DMRT1: variants seen among roughly 807,000 people sequenced by gnomAD.
DMRT1 encodes doublesex- and mab-3-related transcription factor 1.
A neutral mutation model predicts 32.3 loss-of-function variants in DMRT1; 7 were observed. The ratio of observed to expected loss-of-function variants is 0.22; its 90% CI spans 0.12 to 0.41. The LOEUF (loss-of-function observed/expected upper bound fraction) is 0.41, where lower values mean the gene tolerates loss of function less well. DMRT1 is among the 10% of genes least tolerant of loss of function. The probability of loss-of-function intolerance (pLI) is 1.00; values close to 1 mark genes in which losing one functional copy is unlikely to be tolerated. For missense variants in DMRT1, 625 were observed against 500.5 expected, an observed-to-expected ratio of 1.25 and a Z score of -2.37; for synonymous variants, 278 against 206.1, an observed-to-expected ratio of 1.35 and a Z score of -2.99.
chr9:878,200 G>GCCCCCCCCCCCC (rs34336062), intron 2 of DMRT1, among the ~76,000 whole-genome samples: 32 of 94,040 alleles, frequency 3.4e-4, no homozygotes, highest in African/African-American at 7.4e-4. Flanking sequence ...TGCAGCTGCT[G>GCCCCCCCCCCCC]CCCCCCCCCC....
intron 2 of DMRT1, among the ~76,000 whole-genome samples, chr9:893,380 G>C (rs1457894441): frequency 1.3e-5 from 2 of 152,234 alleles, no homozygotes; most frequent in African/African-American, 4.8e-5. Flanking sequence ...ACCTGAAATA[G>C]TTACTGACCT....
intron 2 of DMRT1, among the ~76,000 whole-genome samples, chr9:890,279 G>A (rs1040162844): frequency 6.6e-6 from 1 of 152,110 alleles, no homozygotes; most frequent in Non-Finnish European, 1.5e-5. Flanking sequence ...GAAAGGCCCA[G>A]TGGGGAAGTT....
At chr9:959,184 C>A (rs1819691363) in intron 4 of DMRT1, among the ~76,000 whole-genome samples, 1 of 151,906 alleles carries the variant, frequency 6.6e-6, no homozygotes, top group South Asian at 2.1e-4. Context: ...TTTGCCCAGC[C>A]TGCCTTCGTT....
chr9:871,224 TG>T (rs1816235544), intron 2 of DMRT1, among the ~76,000 whole-genome samples: 2 of 150,280 alleles, frequency 1.3e-5, no homozygotes, highest in African/African-American at 4.9e-5. Context: ...GACGGGGTTT[TG>T]CCACGTTGCC....
intron 1 of DMRT1, among the ~76,000 whole-genome samples, chr9:845,620 A>G (rs1720770629): frequency 6.6e-6 from 1 of 152,074 alleles, no homozygotes; most frequent in Non-Finnish European, 1.5e-5. Context: ...TGTCTGGAAT[A>G]TCACACACCT....
chr9:847,678 G>A (rs1369128712), intron 2 of DMRT1, among the ~76,000 whole-genome samples: 2 of 151,066 alleles, frequency 1.3e-5, no homozygotes, highest in Non-Finnish European at 3.0e-5. Context: ...GACAGTTATG[G>A]GATTGGCCAA....
intron 3 of DMRT1, among the ~76,000 whole-genome samples, chr9:902,066 C>A (rs148087900): frequency 0.035 from 5,170 of 149,272 alleles, 194 homozygotes; most frequent in African/African-American, 0.1. Context: ...TGCACCACCA[C>A]GCCCAGCTAA....
rs187122162 is a variant in DMRT1, at chr9:916,602, G to A, written c.823-161G>A. On this transcript the variant is annotated intron_variant, in intron 3 of 4. Transcript: ENST00000382276. ...GCCCTGGCTGGTCTTGAACTCCTGG[G>A]CTCAAGCGATCCTCCCGCCCTGGCC... 2.0e-5 allele frequency among the ~76,000 whole-genome samples: 3 copies of A among 152,282 alleles called. No individual in the cohort carries two copies. The East Asian group carries it at 5.8e-4, about 29-fold the overall frequency.
chr9:857,587 C>G (rs1190281072), intron 2 of DMRT1, among the ~76,000 whole-genome samples: 1 of 152,054 alleles, frequency 6.6e-6, no homozygotes, highest in East Asian at 1.9e-4. Context: ...TTCTGTTGCC[C>G]TAAAACTTGG....
At chr9:902,874 G>C (rs66826729) in intron 3 of DMRT1, among the ~76,000 whole-genome samples, 11,237 of 152,096 alleles carry the variant, frequency 0.074, 788 homozygotes, top group African/African-American at 0.17. Context: ...CCCCAAGTAG[G>C]TTCTGCTGTC....
At position 842,052 on chromosome 9, in the gene DMRT1, C is replaced by T; in HGVS notation, c.214C>T (p.Arg72Trp). 1.3e-6 allele frequency: 2 copies of T among 1,545,382 alleles called. No homozygotes were observed. The highest frequency in any genetic ancestry group is 1.7e-6 in the Non-Finnish European group (2 of 1,148,578). ...GGGTGCCGGGAGCAAGAAGTCCCCG[C>T]GGCTGCCCAAGTGCGCACGCTGCAG... ...DLGAGSKKSP[R>W]LPKCARCRNH... is the part of the protein sequence containing the mutation. The change falls in exon 1 of 5, where the codon CGG becomes TGG. Residue 72 changes from arginine (R) to tryptophan (W), a missense_variant. By Grantham distance (101) the Arg-to-Trp change is moderately radical (BLOSUM62 -3). Around this residue, in one of 3 missense-constraint regions of DMRT1, gnomAD observed 201 missense variants for 152.0 expected, o/e 1.32. Transcript: ENST00000382276.
At chr9:923,269 C>T (rs1818413508) in intron 4 of DMRT1, among the ~76,000 whole-genome samples, 1 of 152,170 alleles carries the variant, frequency 6.6e-6, no homozygotes, top group South Asian at 2.1e-4. Context: ...TGCTCTTGAT[C>T]CAGAACGCCA....
intron 4 of DMRT1, among the ~76,000 whole-genome samples, chr9:918,288 A>G (rs1161821705): frequency 6.6e-6 from 1 of 152,246 alleles, no homozygotes; most frequent in Non-Finnish European, 1.5e-5. Context: ...GAAAATTAAG[A>G]ATGAAACCCA....
intron 4 of DMRT1, among the ~76,000 whole-genome samples, chr9:934,677 A>C (rs1288555282): frequency 6.6e-6 from 1 of 152,172 alleles, no homozygotes; most frequent in Non-Finnish European, 1.5e-5. Flanking sequence ...ATATGGTGTA[A>C]GGGAAGAGTC....
chr9:931,008 T>TA (rs1491107581), intron 4 of DMRT1, among the ~76,000 whole-genome samples: 3 of 152,200 alleles, frequency 2.0e-5, no homozygotes, highest in Non-Finnish European at 4.4e-5. Context: ...ATCCCCATAT[T>TA]ACTCCCATTT....
intron 3 of DMRT1, among the ~76,000 whole-genome samples, chr9:907,285 A>G (rs1817809628): frequency 6.6e-6 from 1 of 152,164 alleles, no homozygotes; most frequent in Admixed American, 6.5e-5. Context: ...TTTTATGTAA[A>G]TGGTACTTGC....
chr9:903,220 T>G (rs1256832905), intron 3 of DMRT1, among the ~76,000 whole-genome samples: 3 of 152,198 alleles, frequency 2.0e-5, no homozygotes, highest in East Asian at 3.9e-4. Flanking sequence ...AGCAAAGCTT[T>G]CTTTCTCTAG....
intron 2 of DMRT1, among the ~76,000 whole-genome samples, chr9:877,395 C>T (rs1367450144): frequency 2.0e-5 from 3 of 152,212 alleles, no homozygotes; most frequent in Admixed American, 1.3e-4. Flanking sequence ...AAAGAAATGC[C>T]AGCAAGTGGC....
At position 938,072 on chromosome 9, in the gene DMRT1, G is replaced by A. The variant is rs560757180; in HGVS notation, c.967+21165G>A. Among the ~76,000 whole-genome samples, 9 of 152,032 alleles carry A rather than the reference G, an allele frequency of 5.9e-5. No individual in the cohort carries two copies. The East Asian group carries it at 7.7e-4, about 13-fold the overall frequency. On this transcript the variant is annotated intron_variant, in intron 4 of 4. Coordinates refer to ENST00000382276, the MANE Select transcript of DMRT1 (RefSeq NM_021951.3). ...CTATTCTTTGGTATGTGGATATCCC[G>A]TTTTCCCAACATTGTTTATTGAAAA...
Sources: gnomAD v4.1 joint callset for allele counts (sites outside exome capture counted in the v4.1 genomes callset) on GRCh38, gnomAD v4.1.1 for gene constraint, gnomAD v4.1.1 regional missense constraint, MANE v1.5 for transcripts, NCBI Gene and HGNC (gene_info 2026-07-23, HGNC 2026-07-21) for gene names.